ERP44: variants seen among roughly 807,000 people sequenced by gnomAD.
The protein encoded by ERP44 is endoplasmic reticulum protein 44, also known as endoplasmic reticulum resident protein 44.
ERP44 carries 25 observed loss-of-function variants against 53.4 expected under a neutral mutation model. The observed-to-expected ratio is 0.47, with a 90% CI of 0.34 to 0.65. The LOEUF is 0.65. Among genes scored for constraint, ERP44 ranks in the 30% least tolerant of loss-of-function variants. ERP44 has a pLI of 0.01. For synonymous variants in ERP44, 145 were observed against 161.2 expected, an observed-to-expected ratio of 0.90 and a Z score of 0.76; for missense variants, 338 against 493.2, an observed-to-expected ratio of 0.69 and a Z score of 2.98.
intron 4 of ERP44, among the ~76,000 whole-genome samples, chr9:100,049,019 C>A (rs1428443716): frequency 6.6e-6 from 1 of 151,972 alleles, no homozygotes; most frequent in Non-Finnish European, 1.5e-5. Context: ...GTATATGTTA[C>A]AATTTTTTTA....
Position 100,070,138 on chromosome 9 carries a change from A to T in ERP44, c.58-9966T>A, listed in dbSNP as rs1826284022. On this transcript the variant is annotated intron_variant, in intron 1 of 11. Transcript: ENST00000262455. Reference sequence around the variant, plus strand: ...AATTGGAAGAAAAGTCAAGATGAGAATTGTGACCATTCTACTTTGTGCTGC... The same window carrying T: ...AATTGGAAGAAAAGTCAAGATGAGATTTGTGACCATTCTACTTTGTGCTGC... Among the ~76,000 whole-genome samples the T allele has an allele frequency of 3.3e-5, 5 of 152,224 alleles. No individual in the cohort carries two copies. In the South Asian group the frequency reaches 1.0e-3, roughly 31 times the overall value.
chr9:100,060,996 A>G (rs972750406), intron 1 of ERP44, among the ~76,000 whole-genome samples: 5 of 152,194 alleles, frequency 3.3e-5, no homozygotes, highest in Admixed American at 3.3e-4. Context: ...GCTCTGATCA[A>G]AGTGCTGAAG....
At chr9:100,038,443 T>C (rs1423144562) in intron 4 of ERP44, among the ~76,000 whole-genome samples, 1 of 151,984 alleles carries the variant, frequency 6.6e-6, no homozygotes. Context: ...AAATAATGAG[T>C]TATACGATAG....
intron 1 of ERP44, among the ~76,000 whole-genome samples, chr9:100,082,198 G>A (rs1053536868): frequency 3.0e-4 from 46 of 152,114 alleles, no homozygotes; most frequent in Non-Finnish European, 5.4e-4. Flanking sequence ...AAACATCATA[G>A]AGCAGTCAAG....
intron 4 of ERP44, among the ~76,000 whole-genome samples, chr9:100,038,749 CA>C: frequency 6.6e-6 from 1 of 151,662 alleles, no homozygotes; most frequent in South Asian, 2.1e-4. Context: ...CTGTTGCTTA[CA>C]AAAAACACAC....
chr9:100,028,122 T>TA (rs1158060233), intron 4 of ERP44, among the ~76,000 whole-genome samples: 1 of 152,202 alleles, frequency 6.6e-6, no homozygotes, highest in Admixed American at 6.5e-5. Flanking sequence ...TTCCAATAAG[T>TA]AAGGTTCGAG....
intron 4 of ERP44, among the ~76,000 whole-genome samples, chr9:100,049,420 C>A (rs1463232869): frequency 6.6e-6 from 1 of 151,862 alleles, no homozygotes; most frequent in African/African-American, 2.4e-5. Context: ...AAACAAATTT[C>A]AATAAGAAAA....
At chr9:100,065,487 CA>C (rs527472275) in intron 1 of ERP44, among the ~76,000 whole-genome samples, 5 of 150,196 alleles carry the variant, frequency 3.3e-5, no homozygotes, top group Non-Finnish European at 4.4e-5. Context: ...ATTCTCACAA[CA>C]AAAAAAAATA....
chr9:100,097,946 TAAC>T (rs1167024299), intron 1 of ERP44, among the ~76,000 whole-genome samples: 2 of 152,216 alleles, frequency 1.3e-5, no homozygotes, highest in African/African-American at 4.8e-5. Context: ...ACATTATAAT[TAAC>T]AGCCCAATTA....
chr9:100,013,056 T>C (rs550902702), intron 8 of ERP44, among the ~76,000 whole-genome samples: 19 of 152,190 alleles, frequency 1.2e-4, no homozygotes, highest in African/African-American at 4.6e-4. Context: ...CAATGGTCAG[T>C]CCCAAAAGTT....
intron 10 of ERP44, chr9:99,998,984 C>A (rs933269229): frequency 2.2e-6 from 3 of 1,344,400 alleles, no homozygotes; most frequent in Non-Finnish European, 3.2e-6. Context: ...CTCAGGTCGG[C>A]GGCAAAGAAC....
intron 1 of ERP44, among the ~76,000 whole-genome samples, chr9:100,061,125 A>T (rs1054703966): frequency 1.3e-5 from 2 of 152,236 alleles, no homozygotes; most frequent in Middle Eastern, 3.2e-3. Context: ...ATGCTAGTAT[A>T]TACATAAGCC....
chr9:100,083,404 T>C (rs759059151), intron 1 of ERP44, among the ~76,000 whole-genome samples: 3 of 152,090 alleles, frequency 2.0e-5, no homozygotes, highest in African/African-American at 4.8e-5. Context: ...GCAAGGTGTA[T>C]ATAAAATAGA....
chr9:100,019,842 T>A (rs981190786), intron 6 of ERP44, among the ~76,000 whole-genome samples: 1 of 152,120 alleles, frequency 6.6e-6, no homozygotes, highest in East Asian at 1.9e-4. Flanking sequence ...TAAGAAGTCA[T>A]TTTGTGACTG....
intron 10 of ERP44, among the ~76,000 whole-genome samples, chr9:99,992,071 C>T (rs542297350): frequency 1.3e-5 from 2 of 152,166 alleles, no homozygotes; most frequent in Non-Finnish European, 2.9e-5. Flanking sequence ...GATTCACAGC[C>T]GACTTCTACC....
intron 11 of ERP44, among the ~76,000 whole-genome samples, chr9:99,983,572 AAAAG>A (rs1830170807): frequency 1.3e-5 from 2 of 151,142 alleles, no homozygotes; most frequent in Admixed American, 6.6e-5. Context: ...AAAAAAAAAA[AAAAG>A]AAAAGGCAGT....
At chr9:100,044,479 T>C (rs1297414283) in intron 4 of ERP44, among the ~76,000 whole-genome samples, 1 of 151,626 alleles carries the variant, frequency 6.6e-6, no homozygotes, top group African/African-American at 2.4e-5. Flanking sequence ...TGAATGAAAA[T>C]GAAAAACTCA....
chr9:100,023,579 C>T (rs1485989275), intron 4 of ERP44, among the ~76,000 whole-genome samples: 1 of 151,626 alleles, frequency 6.6e-6, no homozygotes, highest in Non-Finnish European at 1.5e-5. Context: ...CAGGTGTGTG[C>T]CACCATGCCT....
chr9:100,010,186 G>C (rs1256097160), intron 8 of ERP44, among the ~76,000 whole-genome samples: 2 of 152,070 alleles, frequency 1.3e-5, no homozygotes, highest in Non-Finnish European at 2.9e-5. Flanking sequence ...TGCTGCTTAG[G>C]CTTCCAAGTT....
Sources: allele counts gnomAD v4.1 joint callset (sites outside exome capture counted in the v4.1 genomes callset), GRCh38; gene constraint gnomAD v4.1.1; transcripts MANE v1.5; gene names NCBI Gene and HGNC (gene_info 2026-07-23, HGNC 2026-07-21).